TIAM1: variants seen among roughly 807,000 people sequenced by gnomAD.
The protein encoded by TIAM1 is TIAM Rac1 associated GEF 1.
In TIAM1, 65 loss-of-function variants were observed where a neutral mutation model predicts 163.5. The ratio of observed to expected loss-of-function variants is 0.40; its 90% CI spans 0.33 to 0.49. The LOEUF (loss-of-function observed/expected upper bound fraction) is 0.49. Ranked by LOEUF, TIAM1 falls within the 20% of genes least tolerant of loss-of-function variation. The pLI is 0.77. For synonymous variants in TIAM1, 833 were observed against 810.1 expected (o/e 1.03, Z -0.48); for missense variants, 1,789 against 2,044.7 (o/e 0.87, Z 2.41).
At chr21:31,265,611 G>C (rs2072713237) in intron 4 of TIAM1, among the ~76,000 whole-genome samples, 1 of 151,826 alleles carries the variant, frequency 6.6e-6, no homozygotes. Context: ...CCCACCTGCT[G>C]CAGTGAAGAA....
intron 2 of TIAM1, among the ~76,000 whole-genome samples, chr21:31,327,801 C>T (rs2075544412): frequency 1.3e-5 from 2 of 152,090 alleles, no homozygotes; most frequent in East Asian, 1.9e-4. Flanking sequence ...GATGCCCAAA[C>T]ACAGGCTTAC....
intron 8 of TIAM1, among the ~76,000 whole-genome samples, chr21:31,218,580 C>CG (rs1460106001): frequency 2.0e-5 from 3 of 149,334 alleles, no homozygotes; most frequent in South Asian, 2.1e-4. Context: ...AAAAAAAAAG[C>CG]GGGGGGTGGG....
intron 19 of TIAM1, among the ~76,000 whole-genome samples, chr21:31,148,474 T>G (rs913364370): frequency 1.3e-5 from 2 of 152,198 alleles, no homozygotes; most frequent in African/African-American, 4.8e-5. Context: ...ATTAAACCTC[T>G]TTTTCTTTAC....
chr21:31,558,171 A>AG (rs2048955050), intron 1 of TIAM1, among the ~76,000 whole-genome samples: 1 of 95,276 alleles, frequency 1.0e-5, no homozygotes, highest in South Asian at 3.2e-4. Flanking sequence ...CCGGGTGGCG[A>AG]GGGGCGCGGC....
At chr21:31,332,636 C>T (rs1325962868) in intron 2 of TIAM1, among the ~76,000 whole-genome samples, 3 of 151,694 alleles carry the variant, frequency 2.0e-5, no homozygotes, top group African/African-American at 7.3e-5. Context: ...AGAAAAACCA[C>T]TGTGCCCTGA....
intron 2 of TIAM1, among the ~76,000 whole-genome samples, chr21:31,399,283 T>A (rs916249156): frequency 3.3e-5 from 5 of 152,150 alleles, no homozygotes; most frequent in African/African-American, 1.2e-4. Flanking sequence ...GGATAAGTTC[T>A]CTCTTTAAAA....
At chr21:31,248,731 T>C (rs1027693032) in intron 5 of TIAM1, among the ~76,000 whole-genome samples, 13 of 152,138 alleles carry the variant, frequency 8.5e-5, no homozygotes, top group Non-Finnish European at 1.8e-4. Context: ...GCCCTGAGGA[T>C]GTCAACAAAT....
At chr21:31,215,353 G>A (rs1442577743) in intron 9 of TIAM1, among the ~76,000 whole-genome samples, 2 of 151,984 alleles carry the variant, frequency 1.3e-5, no homozygotes, top group African/African-American at 4.8e-5. Flanking sequence ...CACTTTGGGA[G>A]GCCAAAGCAG....
At chr21:31,229,765 G>A (rs2088298433) in intron 6 of TIAM1, among the ~76,000 whole-genome samples, 1 of 151,982 alleles carries the variant, frequency 6.6e-6, no homozygotes, top group Non-Finnish European at 1.5e-5. Context: ...AGATTCTCCT[G>A]CCTCAGCCTC....
intron 1 of TIAM1, among the ~76,000 whole-genome samples, chr21:31,511,511 G>T (rs2047209232): frequency 6.6e-6 from 1 of 152,170 alleles, no homozygotes; most frequent in South Asian, 2.1e-4. Context: ...AAAAGGGCAT[G>T]ATAATAATAG....
intron 15 of TIAM1, among the ~76,000 whole-genome samples, chr21:31,165,613 T>C (rs1277798889): frequency 1.3e-5 from 2 of 152,126 alleles, no homozygotes; most frequent in African/African-American, 4.8e-5. Context: ...ATGAGTGTTG[T>C]TTAAGCCACT....
At chr21:31,222,864 T>G (rs781490858) in intron 8 of TIAM1, among the ~76,000 whole-genome samples, 5 of 150,922 alleles carry the variant, frequency 3.3e-5, no homozygotes, top group Non-Finnish European at 7.4e-5. Context: ...ATTACAGGTG[T>G]ATGTCACCAC....
intron 15 of TIAM1, among the ~76,000 whole-genome samples, chr21:31,170,752 ATCT>A: frequency 6.6e-6 from 1 of 152,044 alleles, no homozygotes; most frequent in Non-Finnish European, 1.5e-5. Flanking sequence ...ATTGGGGACC[ATCT>A]GGCCAGGTAT....
chr21:31,311,507 G>A (rs528797030), intron 2 of TIAM1, among the ~76,000 whole-genome samples: 2 of 152,262 alleles, frequency 1.3e-5, no homozygotes, highest in East Asian at 1.9e-4. Context: ...CTGGGTCTAA[G>A]CAAAAATGCC....
chr21:31,144,830 G>GA (rs764835303), intron 20 of TIAM1, among the ~76,000 whole-genome samples: 23,723 of 74,620 alleles, frequency 0.32, 3,572 homozygotes, highest in East Asian at 0.56. Context: ...CTCCATCTCA[G>GA]AAAAAAAAAA....
At chr21:31,144,012 G>A (rs915091111) in intron 20 of TIAM1, among the ~76,000 whole-genome samples, 1 of 152,246 alleles carries the variant, frequency 6.6e-6, no homozygotes, top group African/African-American at 2.4e-5. Context: ...GGGATTATAG[G>A]TGTGAGCCAC....
At chr21:31,158,510 T>C (rs1252896440) in intron 16 of TIAM1, among the ~76,000 whole-genome samples, 1 of 152,160 alleles carries the variant, frequency 6.6e-6, no homozygotes, top group Admixed American at 6.5e-5. Context: ...TACTGTCAAC[T>C]GCACGTTATT....
At chr21:31,467,976 C>T (rs2045591951) in intron 1 of TIAM1, among the ~76,000 whole-genome samples, 2 of 151,564 alleles carry the variant, frequency 1.3e-5, no homozygotes. Context: ...ATCCCAGCTA[C>T]TCAGGAGACT....
In TIAM1 at chr21:31,223,424, T is replaced by A; in HGVS notation, c.1977A>T (p.Val659=). 1 of 1,612,886 alleles carries A rather than the reference T, an allele frequency of 6.2e-7. No homozygotes were observed. Among genetic ancestry groups the A allele is most frequent in the Non-Finnish European group, 8.5e-7 (1 of 1,179,338 alleles). ...TACTCACCAGGGCATGAAACGATGA[T>A]ACCGAAAAGATTCCAAGGCGGCCCA... ...VAMGRLGIFS[V]SSFHALVAAR... is the part of the protein sequence containing the mutation. The change falls in exon 8 of 28, where the codon GTA becomes GTT. Residue 659 remains valine (V), a synonymous_variant. Coordinates refer to ENST00000541036, the MANE Select transcript of TIAM1 (RefSeq NM_001353694.2).
Sources: allele counts gnomAD v4.1 joint callset (sites outside exome capture counted in the v4.1 genomes callset), GRCh38; gene constraint gnomAD v4.1.1; transcripts MANE v1.5; gene names NCBI Gene and HGNC (gene_info 2026-07-23, HGNC 2026-07-21).